CPXM2: variants seen among roughly 807,000 people sequenced by gnomAD.
CPXM2 encodes inactive carboxypeptidase-like protein X2.
A neutral mutation model predicts 86.1 loss-of-function variants in CPXM2; 66 were observed. The observed-to-expected ratio is 0.77, with a 90% CI of 0.63 to 0.94. The LOEUF (loss-of-function observed/expected upper bound fraction) is 0.94. CPXM2 is among the 40% of genes least tolerant of loss of function. CPXM2 has a pLI of 0.00. For synonymous variants in CPXM2, 388 were observed against 400.2 expected (o/e 0.97, Z 0.36); for missense variants, 948 against 1,026.3 (o/e 0.92, Z 1.04).
chr10:123,799,499 C>G (rs1207964607), intron 4 of CPXM2, among the ~76,000 whole-genome samples: 1 of 152,176 alleles, frequency 6.6e-6, no homozygotes. Flanking sequence ...AATCACTAAC[C>G]GTTGATCACA....
intron 1 of CPXM2, among the ~76,000 whole-genome samples, chr10:123,881,721 G>A (rs768441923): frequency 6.6e-6 from 1 of 152,212 alleles, no homozygotes; most frequent in Non-Finnish European, 1.5e-5. Flanking sequence ...CTGGTATCTG[G>A]GGGCTGGGTG....
At chr10:123,763,517 T>A (rs1473592666) in intron 10 of CPXM2, among the ~76,000 whole-genome samples, 1 of 151,754 alleles carries the variant, frequency 6.6e-6, no homozygotes, top group Admixed American at 6.6e-5. Context: ...TACCTCAAAA[T>A]ATATCGTTTG....
chr10:123,833,205 A>G (rs1489614054), intron 4 of CPXM2, among the ~76,000 whole-genome samples: 1 of 152,226 alleles, frequency 6.6e-6, no homozygotes, highest in African/African-American at 2.4e-5. Context: ...TATGCATACA[A>G]TGAGAGAAGA....
intron 2 of CPXM2, among the ~76,000 whole-genome samples, chr10:123,916,017 G>A (rs74646393): frequency 0.024 from 3,595 of 152,260 alleles, 139 homozygotes; most frequent in African/African-American, 0.082. Flanking sequence ...TTGAAAGCTT[G>A]TGGATTCCAG....
At chr10:123,918,012 A>C (rs940251839) in intron 2 of CPXM2, among the ~76,000 whole-genome samples, 2 of 152,226 alleles carry the variant, frequency 1.3e-5, no homozygotes, top group Admixed American at 1.3e-4. Flanking sequence ...CAGGTGTGAG[A>C]GAGAGTCCAT....
At chr10:123,863,297 C>T (rs1280985978) in intron 2 of CPXM2, among the ~76,000 whole-genome samples, 1 of 152,204 alleles carries the variant, frequency 6.6e-6, no homozygotes, top group Admixed American at 6.5e-5. Context: ...CTCTGGGCTG[C>T]TGTTTGCCCC....
intron 12 of CPXM2, among the ~76,000 whole-genome samples, chr10:123,755,011 C>G (rs895884592): frequency 6.6e-6 from 1 of 152,260 alleles, no homozygotes. Flanking sequence ...ATTAGGGAAG[C>G]ATCCTGCTTT....
intron 3 of CPXM2, 69 bp from the exon 4 acceptor site, chr10:123,842,557 C>T: frequency 6.7e-7 from 1 of 1,503,018 alleles, no homozygotes; most frequent in East Asian, 2.3e-5. Context: ...ATATCTTTTC[C>T]TGAGGCTGAG....
chr10:123,881,273 A>C (rs1945088890), intron 1 of CPXM2, among the ~76,000 whole-genome samples: 1 of 66,928 alleles, frequency 1.5e-5, no homozygotes. Context: ...CTTTACGCTC[A>C]AGCTAATTAG....
intron 4 of CPXM2, among the ~76,000 whole-genome samples, chr10:123,839,844 G>A (rs1375389068): frequency 6.6e-6 from 1 of 152,118 alleles, no homozygotes; most frequent in African/African-American, 2.4e-5. Flanking sequence ...AAACTCATCA[G>A]GTTTCTTTTC....
At chr10:123,870,191 C>T (rs1466814264) in intron 2 of CPXM2, among the ~76,000 whole-genome samples, 1 of 35,672 alleles carries the variant, frequency 2.8e-5, no homozygotes, top group African/African-American at 4.0e-4. Context: ...GTTCAATAGT[C>T]GTTAGGTGTC....
At chr10:123,820,404 C>T (rs1295838840) in intron 4 of CPXM2, among the ~76,000 whole-genome samples, 1 of 152,156 alleles carries the variant, frequency 6.6e-6, no homozygotes, top group Non-Finnish European at 1.5e-5. Context: ...AGCTTGAGCT[C>T]ATCTCCATTC....
chr10:123,901,894 T>C (rs1914543), intron 2 of CPXM2, among the ~76,000 whole-genome samples: 109,770 of 152,078 alleles, frequency 0.72, 40,281 homozygotes, highest in African/African-American at 0.84. Flanking sequence ...AACTCAGCTG[T>C]GTCATCACTC....
intron 2 of CPXM2, among the ~76,000 whole-genome samples, chr10:123,867,519 A>AT (rs1464977959): frequency 7.6e-6 from 1 of 131,156 alleles, no homozygotes; most frequent in Admixed American, 7.7e-5. Flanking sequence ...CATCCTAGAG[A>AT]TTTCTTTCTT....
chr10:123,779,828 C>T (rs1846891865), intron 7 of CPXM2, among the ~76,000 whole-genome samples: 1 of 152,110 alleles, frequency 6.6e-6, no homozygotes, highest in African/African-American at 2.4e-5. Context: ...TCTATGTCAT[C>T]CTAGATCCTT....
chr10:123,827,472 T>C (rs1222167231), intron 4 of CPXM2, among the ~76,000 whole-genome samples: 4 of 151,910 alleles, frequency 2.6e-5, no homozygotes, highest in African/African-American at 9.7e-5. Context: ...AAAGACAAAA[T>C]ACTTAGACGT....
intron 4 of CPXM2, among the ~76,000 whole-genome samples, chr10:123,827,172 C>G (rs1357646163): frequency 6.6e-6 from 1 of 152,150 alleles, no homozygotes; most frequent in East Asian, 1.9e-4. Flanking sequence ...ACAACATTAT[C>G]TGATGCAATG....
At chr10:123,908,814 A>G (rs1280688828) in intron 2 of CPXM2, among the ~76,000 whole-genome samples, 3 of 152,196 alleles carry the variant, frequency 2.0e-5, no homozygotes, top group African/African-American at 7.2e-5. Flanking sequence ...ATTCCATATC[A>G]TGGTTCAGGT....
rs1003839241 is a variant in CPXM2 at position 123,931,058 on chromosome 10, G to A, written n.174+8419C>T. Among the ~76,000 whole-genome samples, 32 of 152,158 alleles carry A rather than the reference G, an allele frequency of 2.1e-4. 1 individual carries two copies. Among genetic ancestry groups the A allele is most frequent in the Non-Finnish European group, 4.4e-5 (3 of 68,040 alleles). On this transcript the variant is annotated intron_variant and non_coding_transcript_variant, in intron 2 of 19. Transcript: ENST00000368854. ...TGACCACGTGTAACCACAACAGAGAGTAAGAACTAATCAGGCTCCTTAGTC... is the reference window on the plus strand; with the variant it reads ...TGACCACGTGTAACCACAACAGAGAATAAGAACTAATCAGGCTCCTTAGTC...
Sources: gnomAD v4.1 joint callset for allele counts (sites outside exome capture counted in the v4.1 genomes callset) on GRCh38, gnomAD v4.1.1 for gene constraint, MANE v1.5 for transcripts, NCBI Gene and HGNC (gene_info 2026-07-23, HGNC 2026-07-21) for gene names.